GSE1: variants seen among roughly 807,000 people sequenced by gnomAD.
GSE1 encodes Gse1 coiled-coil protein, also known as genetic suppressor element 1.
GSE1 carries 32 observed loss-of-function variants against 112.6 expected under a neutral mutation model. The observed-to-expected ratio is 0.28, with a 90% confidence interval of 0.21 to 0.38. The LOEUF (loss-of-function observed/expected upper bound fraction) is 0.38. Among genes scored for constraint, GSE1 ranks in the 10% least tolerant of loss-of-function variants. The pLI is 1.00. For synonymous variants in GSE1, 1,115 were observed against 735.6 expected (o/e 1.52, Z -8.35); for missense variants, 2,348 against 1,699.2 (o/e 1.38, Z -6.71).
At chr16:85,485,028 C>T (rs572394528) in intron 2 of GSE1, among the ~76,000 whole-genome samples, 6 of 152,332 alleles carry the variant, frequency 3.9e-5, no homozygotes, top group South Asian at 4.1e-4. Context: ...CCCTGGGGAC[C>T]CAACAGTGAT....
At chr16:85,246,924 G>GT (rs1488075982) in intron 1 of GSE1, among the ~76,000 whole-genome samples, 1 of 152,046 alleles carries the variant, frequency 6.6e-6, no homozygotes, top group Non-Finnish European at 1.5e-5. Context: ...GCTAGGTTGG[G>GT]TTACCCCCTG....
At chr16:85,656,785 A>T in intron 7 of GSE1, 120 bp downstream of exon 7, 2 of 1,359,718 alleles carry the variant, frequency 1.5e-6, no homozygotes, top group Non-Finnish European at 1.9e-6. Context: ...GTTCGCCCTA[A>T]AAGCGTGGTG....
chr16:85,540,557 C>G (rs1255959730), intron 2 of GSE1, among the ~76,000 whole-genome samples: 1 of 152,224 alleles, frequency 6.6e-6, no homozygotes, highest in East Asian at 1.9e-4. Context: ...TGAGCTAGGT[C>G]AGCTTGAGGA....
intron 3 of GSE1, among the ~76,000 whole-genome samples, chr16:85,651,247 C>A (rs897396181): frequency 2.6e-5 from 4 of 151,990 alleles, no homozygotes; most frequent in Non-Finnish European, 5.9e-5. Context: ...CCGAGCCTGC[C>A]GGGCCTTGCC....
intron 2 of GSE1, among the ~76,000 whole-genome samples, chr16:85,463,722 G>A (rs1180885174): frequency 6.6e-6 from 1 of 152,174 alleles, no homozygotes; most frequent in Non-Finnish European, 1.5e-5. Flanking sequence ...CGCATCACTG[G>A]CACAGTTAGG....
chr16:85,496,243 G>T (rs1022547377), intron 2 of GSE1, among the ~76,000 whole-genome samples: 34 of 152,294 alleles, frequency 2.2e-4, no homozygotes, highest in Admixed American at 1.0e-3. Flanking sequence ...CCGCCACCCC[G>T]TGCCTCCAAG....
chr16:85,519,567 T>TTTCACCACCATCACCACCATCACCAC (rs1555526332), intron 2 of GSE1, among the ~76,000 whole-genome samples: 1 of 1,206 alleles, frequency 8.3e-4, no homozygotes, highest in Non-Finnish European at 2.1e-3. Context: ...ACTATCATCA[T>TTTCACCACCATCACCACCATCACCAC]CACCATCACC....
At chr16:85,342,315 C>G (rs1411825083) in intron 1 of GSE1, among the ~76,000 whole-genome samples, 1 of 152,232 alleles carries the variant, frequency 6.6e-6, no homozygotes, top group Non-Finnish European at 1.5e-5. Context: ...GAAGAATTTC[C>G]CTGTAGCTGA....
intron 2 of GSE1, among the ~76,000 whole-genome samples, chr16:85,642,383 C>G (rs1354776003): frequency 6.6e-6 from 1 of 152,166 alleles, no homozygotes; most frequent in African/African-American, 2.4e-5. Flanking sequence ...AGGAAGAGCC[C>G]CCAGGTTAGC....
intron 1 of GSE1, among the ~76,000 whole-genome samples, chr16:85,313,740 C>G (rs1456052639): frequency 1.3e-5 from 2 of 152,246 alleles, no homozygotes; most frequent in African/African-American, 2.4e-5. Context: ...CTCTGGGCAG[C>G]TCATGTGGCC....
intron 1 of GSE1, among the ~76,000 whole-genome samples, chr16:85,591,335 C>T (rs1182412810): frequency 6.6e-6 from 1 of 152,230 alleles, no homozygotes; most frequent in East Asian, 1.9e-4. Flanking sequence ...TCACCCCCAG[C>T]CTGAATTAGA....
intron 12 of GSE1, 98 bp downstream of exon 12, chr16:85,665,226 T>C: frequency 1.5e-6 from 1 of 682,796 alleles, no homozygotes; most frequent in Non-Finnish European, 2.6e-6. Context: ...ATTGTGAATG[T>C]GGCCTCCTGC....
chr16:85,252,212 C>T (rs1448287456), intron 1 of GSE1, among the ~76,000 whole-genome samples: 1 of 152,172 alleles, frequency 6.6e-6, no homozygotes, highest in Non-Finnish European at 1.5e-5. Flanking sequence ...CGGCCTGGCT[C>T]CCGAGGGAAT....
rs905224917 is a variant in GSE1 at position 85,665,913 on chromosome 16, T to C, written c.2759-63T>C. 9 of 1,509,482 alleles carry C rather than the reference T, an allele frequency of 6.0e-6. No individual in the cohort carries two copies. In the African/African-American group the frequency reaches 1.2e-4, roughly 21 times the overall value. 93.5% of individuals were successfully genotyped at this position (1,509,482 alleles called of 1,614,324 possible). On this transcript the variant is annotated intron_variant, in intron 12 of 15. Transcript: ENST00000253458. ...TAAGCTCTAGAGACCAGGATCTGCG[T>C]GCTGGACACTCAGCCTGTTAACTTG...
chr16:85,555,169 G>T (rs980271345), upstream of GSE1: 17 of 985,308 alleles, frequency 1.7e-5, no homozygotes, highest in Non-Finnish European at 2.0e-5. Flanking sequence ...TTCATTAGGG[G>T]AGACAAATCT....
At chr16:85,555,021 C>CG (rs2045129658), upstream of GSE1, 1 of 985,264 alleles carries the variant, frequency 1.0e-6, no homozygotes, top group Non-Finnish European at 1.2e-6. Flanking sequence ...GGCGGCCGCG[C>CG]GGGGGGAAGC....
intron 1 of GSE1, among the ~76,000 whole-genome samples, chr16:85,344,411 G>A (rs1343444673): frequency 1.3e-5 from 2 of 152,236 alleles, no homozygotes; most frequent in Admixed American, 6.5e-5. Context: ...CTGACTGCCC[G>A]AAGCTCCCAG....
intron 1 of GSE1, among the ~76,000 whole-genome samples, chr16:85,307,556 T>C (rs2045713909): frequency 6.6e-6 from 1 of 152,186 alleles, no homozygotes; most frequent in Non-Finnish European, 1.5e-5. Flanking sequence ...GAGCTGTCCC[T>C]CTCCGTGGAG....
In GSE1 at chr16:85,410,551, G is replaced by A. The variant is rs79592206; in HGVS notation, c.2464+52908G>A. Among the ~76,000 whole-genome samples the A allele has an allele frequency of 5.4e-4, 6 of 11,092 alleles. 1 individual carries two copies. The highest frequency in any genetic ancestry group is 1.8e-3 in the Admixed American group (2 of 1,086). 7.3% of individuals were successfully genotyped at this position (11,092 alleles called of 152,430 possible). ...GGCCCCCCGGATAATCCTCACTGTT[G>A]CACTCAGGGTCCCTCTGATAATCCT... is the stretch of plus-strand genomic sequence containing the variant. On this transcript the variant is annotated intron_variant, in intron 2 of 2. Transcript: ENST00000637419.
Sources: allele counts gnomAD v4.1 joint callset (sites outside exome capture counted in the v4.1 genomes callset), GRCh38; gene constraint gnomAD v4.1.1; transcripts MANE v1.5; gene names NCBI Gene and HGNC (gene_info 2026-07-23, HGNC 2026-07-21).